CHL1: variants seen among roughly 807,000 people sequenced by gnomAD.
CHL1 encodes cell adhesion molecule L1 like.
A neutral mutation model predicts 141.9 loss-of-function variants in CHL1; 96 were observed. The ratio of observed to expected loss-of-function variants is 0.68; its 90% CI spans 0.57 to 0.80. The LOEUF is 0.80. Among genes scored for constraint, CHL1 ranks in the 30% least tolerant of loss-of-function variants. The pLI is 0.00. For missense variants in CHL1, 1,820 were observed against 1,457.2 expected, an observed-to-expected ratio of 1.25 and a Z score of -4.05; for synonymous variants, 613 against 502.2, an observed-to-expected ratio of 1.22 and a Z score of -2.95.
chr3:359,088 G>C (rs1703976760), intron 11 of CHL1, among the ~76,000 whole-genome samples: 1 of 150,140 alleles, frequency 6.7e-6, no homozygotes. Context: ...ATCATAGCAA[G>C]GGCAGGGCTT....
intron 10 of CHL1, among the ~76,000 whole-genome samples, chr3:353,426 C>G (rs977133597): frequency 6.6e-6 from 1 of 152,008 alleles, no homozygotes; most frequent in Non-Finnish European, 1.5e-5. Context: ...AAAATGATCG[C>G]AGTTTATAAT....
At chr3:354,174 T>C (rs1028423997) in intron 10 of CHL1, among the ~76,000 whole-genome samples, 3 of 152,174 alleles carry the variant, frequency 2.0e-5, no homozygotes, top group Non-Finnish European at 4.4e-5. Context: ...TAAGAAATAT[T>C]CAAAATAAGC....
At chr3:276,701 A>C (rs1051437276) in intron 2 of CHL1, among the ~76,000 whole-genome samples, 2 of 151,926 alleles carry the variant, frequency 1.3e-5, no homozygotes, top group Non-Finnish European at 2.9e-5. Context: ...CGTCCTGGCT[A>C]ACAGGGTGAA....
chr3:261,132 T>C (rs62228339), intron 2 of CHL1, among the ~76,000 whole-genome samples: 5,822 of 152,270 alleles, frequency 0.038, 122 homozygotes, highest in Middle Eastern at 0.054. Context: ...CCCTTGATCA[T>C]TGCACAAAAA....
At chr3:210,892 C>T (rs551370527) in intron 1 of CHL1, among the ~76,000 whole-genome samples, 1 of 152,246 alleles carries the variant, frequency 6.6e-6, no homozygotes, top group African/African-American at 2.4e-5. Context: ...GGCTGAAGTG[C>T]CCTGGTTTTG....
intron 5 of CHL1, among the ~76,000 whole-genome samples, chr3:332,417 G>A (rs899199318): frequency 1.3e-5 from 2 of 152,140 alleles, no homozygotes; most frequent in African/African-American, 4.8e-5. Flanking sequence ...TTGGAAAATG[G>A]AAGTGGGGGT....
intron 3 of CHL1, among the ~76,000 whole-genome samples, chr3:322,235 G>T (rs1251111406): frequency 6.6e-6 from 1 of 151,940 alleles, no homozygotes; most frequent in Non-Finnish European, 1.5e-5. Flanking sequence ...GATAAACACT[G>T]AACTTGAGCT....
chr3:352,393 A>G (rs1703346810), intron 10 of CHL1, among the ~76,000 whole-genome samples: 1 of 152,128 alleles, frequency 6.6e-6, no homozygotes. Flanking sequence ...AAACATCTCT[A>G]TTTAGCTTGC....
chr3:205,203 TG>T (rs1291275539), intron 1 of CHL1, among the ~76,000 whole-genome samples: 1 of 151,018 alleles, frequency 6.6e-6, no homozygotes, highest in African/African-American at 2.4e-5. Context: ...CTCGAACTCC[TG>T]GGCTCAAGTT....
chr3:223,391 A>G (rs1245764769), intron 1 of CHL1, among the ~76,000 whole-genome samples: 1 of 152,178 alleles, frequency 6.6e-6, no homozygotes, highest in Non-Finnish European at 1.5e-5. Flanking sequence ...TGAGGACTAT[A>G]CCATCTTTTA....
intron 26 of CHL1, among the ~76,000 whole-genome samples, chr3:399,458 G>C (rs1275683271): frequency 6.6e-6 from 1 of 152,098 alleles, no homozygotes; most frequent in Admixed American, 6.5e-5. Context: ...TGGCCAACAT[G>C]ATGAAACCCC....
intron 1 of CHL1, among the ~76,000 whole-genome samples, chr3:238,323 G>A (rs924951780): frequency 1.3e-5 from 2 of 151,950 alleles, no homozygotes; most frequent in Non-Finnish European, 2.9e-5. Flanking sequence ...TTGACTAAAA[G>A]CTGAGGTGCT....
At chr3:239,194 G>C (rs1692300439) in intron 1 of CHL1, among the ~76,000 whole-genome samples, 1 of 152,166 alleles carries the variant, frequency 6.6e-6, no homozygotes, top group South Asian at 2.1e-4. Context: ...TGCTACCGCA[G>C]CTGCCCCTTG....
intron 10 of CHL1, among the ~76,000 whole-genome samples, chr3:350,228 G>C (rs914470539): frequency 6.6e-6 from 1 of 152,106 alleles, no homozygotes; most frequent in Non-Finnish European, 1.5e-5. Flanking sequence ...ATTGGTATTA[G>C]TTACATTTAT....
At chr3:360,711 G>C (rs1157398343) in intron 12 of CHL1, among the ~76,000 whole-genome samples, 1 of 148,110 alleles carries the variant, frequency 6.8e-6, no homozygotes, top group Non-Finnish European at 1.5e-5. Context: ...TCTAGCATTA[G>C]GTATATCTCC....
intron 15 of CHL1, among the ~76,000 whole-genome samples, chr3:367,481 G>A (rs1029219827): frequency 7.2e-5 from 11 of 152,118 alleles, no homozygotes; most frequent in Admixed American, 2.6e-4. Context: ...CCATAACATA[G>A]TTTGAATTAA....
intron 3 of CHL1, among the ~76,000 whole-genome samples, chr3:320,163 A>G (rs989749381): frequency 1.3e-5 from 2 of 152,066 alleles, no homozygotes; most frequent in African/African-American, 4.8e-5. Flanking sequence ...TATCTGCAAT[A>G]TTACCAACAA....
intron 2 of CHL1, among the ~76,000 whole-genome samples, chr3:279,346 T>C (rs541585795): frequency 1.8e-4 from 28 of 152,318 alleles, no homozygotes; most frequent in African/African-American, 4.8e-4. Context: ...TCTTAAAATA[T>C]TTATTTTAAT....
At chr3:263,285 G>A (rs1397660022) in intron 2 of CHL1, among the ~76,000 whole-genome samples, 1 of 151,758 alleles carries the variant, frequency 6.6e-6, no homozygotes, top group Non-Finnish European at 1.5e-5. Flanking sequence ...CCCCAGGGTG[G>A]TATAGGTACA....
Sources: allele counts gnomAD v4.1 joint callset (sites outside exome capture counted in the v4.1 genomes callset), GRCh38; gene constraint gnomAD v4.1.1; transcripts MANE v1.5; gene names NCBI Gene and HGNC (gene_info 2026-07-23, HGNC 2026-07-21).